The following HMCN2 variants were observed in gnomAD, a reference collection of about 807,000 sequenced individuals.
HMCN2 encodes hemicentin-2.
A neutral mutation model predicts 377.5 loss-of-function variants in HMCN2; 325 were observed. That is an observed-to-expected ratio of 0.86 (90% CI 0.79 to 0.94). HMCN2 has a LOEUF of 0.94. Among genes scored for constraint, HMCN2 ranks in the 40% least tolerant of loss-of-function variants. HMCN2 has a pLI of 0.00. For missense variants in HMCN2, 4,543 were observed against 4,725.3 expected (o/e 0.96, Z 1.13); for synonymous variants, 2,007 against 2,046.8 (o/e 0.98, Z 0.53).
At position 130,299,308 on chromosome 9, in the gene HMCN2, G is replaced by A. The variant is rs1836341426; in HGVS notation, c.1276+20G>A. 1 of 438,384 alleles carries A rather than the reference G, an allele frequency of 2.3e-6. No individual in the cohort carries two copies. The highest frequency in any genetic ancestry group is 4.8e-6 in the Non-Finnish European group (1 of 207,136). 27.2% of individuals were successfully genotyped at this position (438,384 alleles called of 1,614,324 possible). ...CCCCAGGTGAGTGGTTGGCTCTTTT[G>A]TCTCCCAGGCCCCTGGCTCATTCAG... On this transcript the variant is annotated intron_variant, in intron 8 of 97. Coordinates refer to ENST00000683500, the MANE Select transcript of HMCN2 (RefSeq NM_001291815.2).
chr9:130,377,795 C>A lies in HMCN2; in HGVS notation c.8208C>A (p.Ile2736=). The part of the protein sequence containing the change: ...GEDDQDFNVL[I]QVPPMFQKVG... Reference sequence around the variant, plus strand: ...ACGACCAGGACTTCAACGTGCTCATCCAGGGTGCGTGGCGCCAGTGGGCCA... The same window carrying A: ...ACGACCAGGACTTCAACGTGCTCATACAGGGTGCGTGGCGCCAGTGGGCCA... The change falls in exon 53 of 98, where the codon ATC becomes ATA. Residue 2736 remains isoleucine, a synonymous_variant. Transcript: ENST00000683500. 2.0e-6 allele frequency: 2 copies of A among 986,026 alleles called. No homozygotes were observed. The highest frequency in any genetic ancestry group is 9.4e-5 in the South Asian group (2 of 21,290). The allele number at this position is 986,026 out of a possible 1,614,324, so 61.1% of individuals were successfully genotyped here.
chr9:130,295,135 T>G, intron 5 of HMCN2, 109 bp downstream of exon 5: 1 of 292,164 alleles, frequency 3.4e-6, no homozygotes, highest in Non-Finnish European at 7.1e-6. Flanking sequence ...GACATGAGGC[T>G]CCAGGAATAG....
At position 130,364,733 on chromosome 9, in the gene HMCN2, A is replaced by G; in HGVS notation, c.6252A>G (p.Gly2084=). The part of the protein sequence containing the change: ...LQVHMPPSIL[G]EELNVSVVAN... ...CTGCAGTGCCCCCGAGTATCCTTGG[A>G]GAAGAGCTGAATGTGTCCGTTGTGG... The change falls in exon 41 of 98, where the codon GGA becomes GGG. Residue 2084 remains glycine, a synonymous_variant. Transcript: ENST00000683500. 3.0e-6 allele frequency: 3 copies of G among 985,862 alleles called. No individual in the cohort carries two copies. Among genetic ancestry groups the G allele is most frequent in the Non-Finnish European group, 3.6e-6 (3 of 830,046 alleles). The allele number at this position is 985,862 out of a possible 1,614,324, so 61.1% of individuals were successfully genotyped here. A position where few individuals can be genotyped will look rare whatever the true frequency, so the allele number is the denominator to read the frequency against.
In HMCN2 at chr9:130,396,294, C is replaced by G. The variant is rs749657663; in HGVS notation, c.11179C>G (p.Leu3727Val). Residue 3727 changes from leucine (L) to valine (V), a missense_variant, in exon 73 of 98, where the codon CTG becomes GTG. Around this residue, in one of 5 missense-constraint regions of HMCN2, gnomAD observed 1,073 missense variants for 1,319.5 expected, o/e 0.81. Transcript: ENST00000683500. ...GAGCTGGCGGAAGGACAGGGTCCCC[C>G]TGGATCCCAGGAGCCCCAGGTGGGA... is the stretch of plus-strand genomic sequence containing the variant. ...LVSWRKDRVPLDPRSPRFEIL... is the reference protein window; with the variant it reads ...LVSWRKDRVPVDPRSPRFEIL... The G allele has an allele frequency of 8.6e-6, 11 of 1,274,194 alleles. No homozygotes were observed. The South Asian group carries it at 1.4e-4, about 16-fold the overall frequency. 78.9% of individuals were successfully genotyped at this position (1,274,194 alleles called of 1,614,324 possible).
At position 130,432,334 on chromosome 9, in the gene HMCN2, G is replaced by C; in HGVS notation, c.14768-95G>C. 4 of 1,153,620 alleles carry C rather than the reference G, an allele frequency of 3.5e-6. No homozygotes were observed. The South Asian group carries it at 5.5e-5, about 16-fold the overall frequency. 71.5% of individuals were successfully genotyped at this position (1,153,620 alleles called of 1,614,324 possible). Reference sequence around the variant, plus strand: ...AGGGAGAAGGGCTGCCCACCTCACTGGTCCCCCAAAGGTACTTCTCCCCAC... The same window carrying C: ...AGGGAGAAGGGCTGCCCACCTCACTCGTCCCCCAAAGGTACTTCTCCCCAC... On this transcript the variant is annotated intron_variant, in intron 96 of 97. Transcript: ENST00000683500.
rs769780684 is a variant in HMCN2 at position 130,403,824 on chromosome 9, G to A, written c.12097G>A (p.Ala4033Thr). The change falls in exon 80 of 98, where the codon GCT (alanine) becomes ACT (threonine). Residue 4033 changes from alanine to threonine, a missense_variant. Physicochemically the swap from Ala to Thr is moderately conservative, Grantham distance 58. Transcript: ENST00000683500. The stretch of plus-strand genomic sequence containing the variant: ...GGATGCTGGAAACTATCTCTGCATC[G>A]CTAAGAACAGTGCGGGCAGTGCCAT... ...PEDAGNYLCIAKNSAGSAMGK... is the reference protein window; with the variant it reads ...PEDAGNYLCITKNSAGSAMGK... The A allele has an allele frequency of 2.0e-5, 26 of 1,289,690 alleles. No homozygotes were observed. Among genetic ancestry groups the A allele is most frequent in the African/African-American group, 1.1e-4 (7 of 65,848 alleles). The allele number at this position is 1,289,690 out of a possible 1,614,324, so 79.9% of individuals were successfully genotyped here.
intron 86 of HMCN2, 146 bp downstream of exon 86, chr9:130,419,187 C>A: frequency 1.4e-6 from 1 of 724,218 alleles, no homozygotes; most frequent in Non-Finnish European, 2.0e-6. Context: ...CAGAATGAAC[C>A]CCTACCCTGC....
chr9:130,312,614 TTC>T (rs1412440833), intron 15 of HMCN2, among the ~76,000 whole-genome samples: 12 of 100,056 alleles, frequency 1.2e-4, no homozygotes, highest in African/African-American at 3.8e-4. Flanking sequence ...CTTTCTTTCT[TTC>T]TCTGTCTCTC....
At chr9:130,314,182 G>C (rs1160085651) in intron 15 of HMCN2, among the ~76,000 whole-genome samples, 1 of 152,176 alleles carries the variant, frequency 6.6e-6, no homozygotes, top group African/African-American at 2.4e-5. Flanking sequence ...GGGAACAGGA[G>C]ATGTGCTGTT....
rs550968411 is a variant in HMCN2 at position 130,354,412 on chromosome 9, C to T, written c.4865-351C>T. 5.3e-5 allele frequency among the ~76,000 whole-genome samples: 8 copies of T among 152,320 alleles called. No homozygotes were observed. In the South Asian group the frequency reaches 6.2e-4, roughly 12 times the overall value. On this transcript the variant is annotated intron_variant, in intron 31 of 97. Transcript: ENST00000683500. Reference sequence around the variant, plus strand: ...GACTTCCAGGAGCAGAGCTCTGTCCCGGCCCTGGGGGTCTTATTTGAGTCC... The same window carrying T: ...GACTTCCAGGAGCAGAGCTCTGTCCTGGCCCTGGGGGTCTTATTTGAGTCC...
chr9:130,392,253 G>T (rs115580557), intron 66 of HMCN2, 135 bp downstream of exon 66: 2 of 570,324 alleles, frequency 3.5e-6, no homozygotes. Flanking sequence ...TGTGGACTGC[G>T]CCCCAGATGC....
Position 130,410,498 on chromosome 9 carries a change from C to T in HMCN2, c.12880-73C>T, listed in dbSNP as rs912159390. 41 of 1,413,320 alleles carry T rather than the reference C, an allele frequency of 2.9e-5. 1 individual carries two copies. The South Asian group carries it at 4.4e-4, about 15-fold the overall frequency. 87.5% of individuals were successfully genotyped at this position (1,413,320 alleles called of 1,614,324 possible). On this transcript the variant is annotated intron_variant, in intron 84 of 97. Transcript: ENST00000683500. The stretch of plus-strand genomic sequence containing the variant: ...CCCTTGCTGGCTGGCTGCCCTCAGT[C>T]CCCTACCCAACTGTCTGAGCCACTC...
intron 76 of HMCN2, 113 bp from the exon 77 acceptor site, chr9:130,400,670 C>T: frequency 1.4e-6 from 1 of 706,748 alleles, no homozygotes; most frequent in Non-Finnish European, 1.9e-6. Flanking sequence ...CCACCTCCCT[C>T]CTTGGCCCTT....
At chr9:130,295,307 A>G (rs1554931649) in intron 5 of HMCN2, among the ~76,000 whole-genome samples, 1 of 151,922 alleles carries the variant, frequency 6.6e-6, no homozygotes, top group Non-Finnish European at 1.5e-5. Flanking sequence ...GTGGATTCTC[A>G]TGGTGGTGAG....
intron 15 of HMCN2, among the ~76,000 whole-genome samples, chr9:130,317,969 G>A (rs1341260116): frequency 1.3e-5 from 2 of 152,082 alleles, no homozygotes; most frequent in East Asian, 3.9e-4. Flanking sequence ...AAGGTAGGCT[G>A]TTGTGGTGTT....
rs867824929 is a variant in HMCN2 at position 130,423,799 on chromosome 9, G to A, written c.13382-977G>A. Among the ~76,000 whole-genome samples the A allele has an allele frequency of 5.3e-5, 8 of 152,082 alleles. No individual in the cohort carries two copies. Among genetic ancestry groups the A allele is most frequent in the Admixed American group, 2.0e-4 (3 of 15,280 alleles). ...CCATTTTTTGGTTCTTTTTTCAAAC[G>A]GTTTGGAACAAACCGGGGCTGGTCC... On this transcript the variant is annotated intron_variant, in intron 87 of 97. Coordinates refer to ENST00000683500, the MANE Select transcript of HMCN2 (RefSeq NM_001291815.2). This position sits in a 1 kb window ranked among gnomAD's most constrained non-coding sequence, Gnocchi z 5.5.
intron 43 of HMCN2, among the ~76,000 whole-genome samples, chr9:130,367,143 A>G (rs1183613320): frequency 1.3e-5 from 2 of 152,076 alleles, no homozygotes; most frequent in Non-Finnish European, 2.9e-5. Flanking sequence ...ATCAGGGATG[A>G]TGGAGGAGAG....
Position 130,403,814 on chromosome 9 carries a change from T to A in HMCN2, c.12087T>A (p.Tyr4029Ter). 7.8e-7 allele frequency: 1 copy of A among 1,289,800 alleles called. No individual in the cohort carries two copies. The highest frequency in any genetic ancestry group is 1.2e-5 in the South Asian group (1 of 81,026). The allele number at this position is 1,289,800 out of a possible 1,614,324, so 79.9% of individuals were successfully genotyped here. ...CCAGCCCAGAGGATGCTGGAAACTA[T>A]CTCTGCATCGCTAAGAACAGTGCGG... The part of the protein sequence containing the change: ...AHASPEDAGN[Y>*]LCIAKNSAGS... The change falls in exon 80 of 98, where the codon TAT becomes TAA. Residue 4029 changes from tyrosine (Y) to a stop codon, truncating the protein, a stop_gained. Coordinates refer to ENST00000683500, the MANE Select transcript of HMCN2 (RefSeq NM_001291815.2). LOFTEE classifies it high-confidence loss of function.
Position 130,360,472 on chromosome 9 carries a change from G to A in HMCN2, c.5818G>A (p.Gly1940Arg), listed in dbSNP as rs754938276. 3 of 1,303,730 alleles carry A rather than the reference G, an allele frequency of 2.3e-6. No individual in the cohort carries two copies. The highest frequency in any genetic ancestry group is 3.0e-6 in the Non-Finnish European group (3 of 988,738). The allele number at this position is 1,303,730 out of a possible 1,614,324, so 80.8% of individuals were successfully genotyped here. ...KGHQPVSSWM[G>R]VTVSVDGRVL... ...CCACCAACCTGTCTCTTCATGGATG[G>A]GAGTGACAGTATCAGTGGATGGGAG... The change falls in exon 38 of 98, where the codon GGA (glycine) becomes AGA (arginine). Residue 1940 changes from glycine to arginine, a missense_variant. Transcript: ENST00000683500. This position sits in a 1 kb window ranked among gnomAD's most constrained non-coding sequence, Gnocchi z 4.7.
Sources: allele counts gnomAD v4.1 joint callset (sites outside exome capture counted in the v4.1 genomes callset), GRCh38; gene constraint gnomAD v4.1.1; regional missense constraint gnomAD v4.1.1; non-coding constraint Gnocchi (gnomAD v3.1); transcripts MANE v1.5; gene names NCBI Gene and HGNC (gene_info 2026-07-23, HGNC 2026-07-21).